The following AGBL4 variants were observed in gnomAD, a reference collection of about 807,000 sequenced individuals.
The protein encoded by AGBL4 is AGBL carboxypeptidase 4.
In AGBL4, 58 loss-of-function variants were observed where a neutral mutation model predicts 66.4. The observed-to-expected ratio is 0.87, with a 90% CI of 0.71 to 1.09. The LOEUF (loss-of-function observed/expected upper bound fraction) is 1.09, where lower values mean the gene tolerates loss of function less well. AGBL4 is among the 50% of genes least tolerant of loss of function. The probability of loss-of-function intolerance (pLI) is 0.00; values close to 1 mark genes in which losing one functional copy is unlikely to be tolerated. For missense variants in AGBL4, 579 were observed against 631.0 expected (o/e 0.92, Z 0.88); for synonymous variants, 234 against 222.9 (o/e 1.05, Z -0.44).
intron 2 of AGBL4, among the ~76,000 whole-genome samples, chr1:49,703,825 T>C (rs897429092): frequency 6.6e-6 from 1 of 152,052 alleles, no homozygotes; most frequent in East Asian, 1.9e-4. Flanking sequence ...TTTTTCTATG[T>C]AAAGAATAGA....
chr1:49,031,627 A>G (rs1664234786), intron 5 of AGBL4, among the ~76,000 whole-genome samples: 2 of 152,126 alleles, frequency 1.3e-5, no homozygotes, highest in African/African-American at 4.8e-5. Flanking sequence ...AAAAAGATAT[A>G]TAGATGGCCA....
chr1:49,390,575 C>T (rs753795392), intron 3 of AGBL4, among the ~76,000 whole-genome samples: 1 of 152,150 alleles, frequency 6.6e-6, no homozygotes, highest in Admixed American at 6.6e-5. Context: ...GTATAGCTTT[C>T]TCTTTCTTAC....
intron 6 of AGBL4, among the ~76,000 whole-genome samples, chr1:48,683,407 G>A (rs778387287): frequency 6.6e-6 from 1 of 152,188 alleles, no homozygotes; most frequent in Non-Finnish European, 1.5e-5. Flanking sequence ...GCTTTCAACT[G>A]GACTGACAGA....
intron 6 of AGBL4, among the ~76,000 whole-genome samples, chr1:48,733,018 GACCTTGGTGA>G (rs1360830474): frequency 2.6e-5 from 4 of 152,162 alleles, no homozygotes; most frequent in African/African-American, 9.7e-5. Context: ...AGTCACTGGG[GACCTTGGTGA>G]AAACACATTA....
intron 1 of AGBL4, among the ~76,000 whole-genome samples, chr1:50,002,104 A>G (rs992406462): frequency 3.9e-5 from 6 of 152,128 alleles, no homozygotes; most frequent in African/African-American, 1.4e-4. Flanking sequence ...CTTGAAAGTA[A>G]GTTCTTTGTG....
At chr1:49,840,276 C>T (rs555708710) in intron 2 of AGBL4, among the ~76,000 whole-genome samples, 3 of 152,114 alleles carry the variant, frequency 2.0e-5, no homozygotes, top group African/African-American at 4.8e-5. Context: ...TCATAGTAGT[C>T]TCTGGGGATT....
chr1:49,390,781 C>T (rs1644829114), intron 3 of AGBL4, among the ~76,000 whole-genome samples: 1 of 152,136 alleles, frequency 6.6e-6, no homozygotes, highest in Non-Finnish European at 1.5e-5. Flanking sequence ...TAGCAACTAC[C>T]TTGACAGCTT....
In AGBL4 at chr1:49,456,652, C is replaced by T. The variant is rs182933896; in HGVS notation, c.283-210788G>A. 1.2e-4 allele frequency among the ~76,000 whole-genome samples: 18 copies of T among 151,364 alleles called. No individual in the cohort carries two copies. The East Asian group carries it at 2.0e-3, about 16-fold the overall frequency. On this transcript the variant is annotated intron_variant, in intron 3 of 13. Transcript: ENST00000371839. ...ATGAATGTTATTGAGTGTCAATTTC[C>T]GAGATTTTGGTGCACCCATCACCCA...
chr1:49,868,408 T>C (rs545130830), intron 1 of AGBL4, among the ~76,000 whole-genome samples: 2 of 152,260 alleles, frequency 1.3e-5, no homozygotes, highest in Non-Finnish European at 2.9e-5. Flanking sequence ...CAAAACAGTA[T>C]GCTACTGGTA....
intron 5 of AGBL4, among the ~76,000 whole-genome samples, chr1:48,966,534 T>C (rs534956847): frequency 3.9e-5 from 6 of 152,202 alleles, no homozygotes; most frequent in African/African-American, 7.2e-5. Flanking sequence ...TTTGCAGAGA[T>C]TGGATTTCTC....
At chr1:48,679,430 C>A (rs1223783064) in intron 6 of AGBL4, among the ~76,000 whole-genome samples, 2 of 152,140 alleles carry the variant, frequency 1.3e-5, no homozygotes, top group African/African-American at 4.8e-5. Context: ...GACGATGAAG[C>A]CTGCTCAGTA....
chr1:49,116,905 T>C (rs573244029), intron 4 of AGBL4, among the ~76,000 whole-genome samples: 2 of 152,350 alleles, frequency 1.3e-5, no homozygotes, highest in Non-Finnish European at 1.5e-5. Flanking sequence ...TTTTTAATGA[T>C]TGACATTCTA....
intron 4 of AGBL4, among the ~76,000 whole-genome samples, chr1:49,126,470 T>A (rs987956063): frequency 6.6e-6 from 1 of 152,020 alleles, no homozygotes; most frequent in African/African-American, 2.4e-5. Flanking sequence ...ACAAAGGAAT[T>A]AAACTAAACT....
chr1:49,166,737 G>T (rs966026309), intron 4 of AGBL4, among the ~76,000 whole-genome samples: 24 of 152,050 alleles, frequency 1.6e-4, no homozygotes, highest in African/African-American at 5.8e-4. Flanking sequence ...ATTCTAACCT[G>T]GCTCTTCATA....
intron 1 of AGBL4, among the ~76,000 whole-genome samples, chr1:49,930,362 T>C (rs1653207484): frequency 6.6e-6 from 1 of 152,084 alleles, no homozygotes; most frequent in Admixed American, 6.5e-5. Context: ...CTTTTAGTTG[T>C]TGAACTCCAC....
At chr1:49,121,467 C>A (rs944850108) in intron 4 of AGBL4, among the ~76,000 whole-genome samples, 1 of 152,272 alleles carries the variant, frequency 6.6e-6, no homozygotes, top group South Asian at 2.1e-4. Context: ...GGTCCCTCAG[C>A]GGCAGGTCTG....
intron 1 of AGBL4, among the ~76,000 whole-genome samples, chr1:49,902,751 A>G (rs1330451743): frequency 6.6e-6 from 1 of 150,622 alleles, no homozygotes; most frequent in Non-Finnish European, 1.5e-5. Context: ...TGTCTCAAAA[A>G]ACAAACAAAC....
intron 10 of AGBL4, among the ~76,000 whole-genome samples, chr1:48,588,374 T>A (rs1350945755): frequency 1.3e-5 from 2 of 152,228 alleles, no homozygotes; most frequent in Non-Finnish European, 2.9e-5. Flanking sequence ...ACCCACTGAG[T>A]ACATGATGTC....
intron 5 of AGBL4, among the ~76,000 whole-genome samples, chr1:48,966,858 T>G (rs1247849124): frequency 6.6e-6 from 1 of 151,880 alleles, no homozygotes; most frequent in Non-Finnish European, 1.5e-5. Context: ...GGCAGAAAAA[T>G]TTTACCAAAA....
Sources: gnomAD v4.1 joint callset for allele counts (sites outside exome capture counted in the v4.1 genomes callset) on GRCh38, gnomAD v4.1.1 for gene constraint, MANE v1.5 for transcripts, NCBI Gene and HGNC (gene_info 2026-07-23, HGNC 2026-07-21) for gene names.